EFCAB6: variants seen among roughly 807,000 people sequenced by gnomAD.
EFCAB6 encodes the protein EF-hand calcium binding domain 6.
In EFCAB6, 156 loss-of-function variants were observed where a neutral mutation model predicts 169.8. The ratio of observed to expected loss-of-function variants is 0.92; its 90% CI spans 0.81 to 1.05. EFCAB6 has a LOEUF of 1.05. EFCAB6 is among the 50% of genes least tolerant of loss of function. The pLI, the probability that EFCAB6 is intolerant of heterozygous loss-of-function variation, is 0.00. For synonymous variants in EFCAB6, 698 were observed against 676.4 expected (o/e 1.03, Z -0.50); for missense variants, 1,800 against 1,829.1 (o/e 0.98, Z 0.29).
chr22:43,649,918 A>C (rs1407095873), intron 17 of EFCAB6, among the ~76,000 whole-genome samples: 1 of 152,238 alleles, frequency 6.6e-6, no homozygotes, highest in African/African-American at 2.4e-5. Context: ...TGAGGAGCTC[A>C]TGAAACTGGA....
At chr22:43,714,831 A>G (rs1033849488) in intron 9 of EFCAB6, among the ~76,000 whole-genome samples, 1 of 152,218 alleles carries the variant, frequency 6.6e-6, no homozygotes, top group African/African-American at 2.4e-5. Flanking sequence ...CCAACCAAAA[A>G]ATAAATCAAA....
intron 23 of EFCAB6, among the ~76,000 whole-genome samples, chr22:43,594,275 C>CAA (rs750560174): frequency 0.088 from 7,083 of 80,778 alleles, 414 homozygotes; most frequent in South Asian, 0.12. Context: ...AACTCTGTTT[C>CAA]AAAAAAAAAA....
Position 43,739,338 on chromosome 22 carries a change from C to T in EFCAB6, c.508-3345G>A, listed in dbSNP as rs145933967. Among the ~76,000 whole-genome samples, 1,353 of 152,318 alleles carry T rather than the reference C, an allele frequency of 8.9e-3. 20 individuals are homozygous for T. The highest frequency in any genetic ancestry group is 0.031 in the African/African-American group (1,307 of 41,552). On this transcript the variant is annotated intron_variant, in intron 6 of 31. Transcript: ENST00000262726. The stretch of plus-strand genomic sequence containing the variant: ...TTAGCTTCCAGAGCCAATGCTCTCT[C>T]TCCTTCTTCTCCAGCCTCCTTGGAG...
chr22:43,704,738 A>G (rs2058893069), intron 10 of EFCAB6, among the ~76,000 whole-genome samples: 1 of 152,168 alleles, frequency 6.6e-6, no homozygotes, highest in African/African-American at 2.4e-5. Context: ...GGTAACAACA[A>G]AACAAAAATC....
chr22:43,791,344 G>A lies in EFCAB6; in HGVS notation c.-7-9019C>T, dbSNP rs990025832. 4.0e-5 allele frequency among the ~76,000 whole-genome samples: 6 copies of A among 150,484 alleles called. No individual in the cohort carries two copies. The East Asian group carries it at 7.7e-4, about 19-fold the overall frequency. ...GCGGAGACCACACCACTGCACTTCA[G>A]CCTGGGTGATAGAAGTGAGACTGCC... On this transcript the variant is annotated intron_variant, in intron 2 of 31. Coordinates refer to ENST00000262726, the MANE Select transcript of EFCAB6 (RefSeq NM_022785.4).
chr22:43,632,733 TCAGA>T (rs1427162064), intron 18 of EFCAB6, among the ~76,000 whole-genome samples: 1 of 152,016 alleles, frequency 6.6e-6, no homozygotes, highest in Non-Finnish European at 1.5e-5. Context: ...CTTCAGTTTC[TCAGA>T]CACTTTCCTC....
In EFCAB6 at chr22:43,528,889, G is replaced by C. The variant is rs764511716; in HGVS notation, c.4470C>G (p.Ile1490Met). 3 of 1,611,802 alleles carry C rather than the reference G, an allele frequency of 1.9e-6. No homozygotes were observed. Among genetic ancestry groups the C allele is most frequent in the Non-Finnish European group, 2.5e-6 (3 of 1,178,120 alleles). The change falls in exon 32 of 32, where the codon ATC becomes ATG. Residue 1490 changes from isoleucine to methionine, a missense_variant. By Grantham distance (10) the Ile-to-Met change is conservative. Transcript: ENST00000262726. ...EYYDKTLSSK[I>M]SYNDFLRAFL... The stretch of plus-strand genomic sequence containing the variant: ...ATGCCCGGAGGAAGTCGTTGTAGGA[G>C]ATTTTTGAAGACAGCGTCTTATCGT...
chr22:43,676,283 G>A (rs986163623), intron 13 of EFCAB6, among the ~76,000 whole-genome samples: 6 of 151,908 alleles, frequency 3.9e-5, no homozygotes, highest in Non-Finnish European at 8.8e-5. Flanking sequence ...CGGGTGTGGT[G>A]GTAGGCGCCT....
chr22:43,768,967 C>CATAT (rs1213025813), intron 4 of EFCAB6, among the ~76,000 whole-genome samples: 1 of 152,126 alleles, frequency 6.6e-6, no homozygotes, highest in Non-Finnish European at 1.5e-5. Flanking sequence ...AGAACACTAC[C>CATAT]ATATGACATG....
At chr22:43,599,278 G>A (rs1042542785) in intron 23 of EFCAB6, among the ~76,000 whole-genome samples, 1 of 152,092 alleles carries the variant, frequency 6.6e-6, no homozygotes, top group Non-Finnish European at 1.5e-5. Flanking sequence ...GGGAGGCTGA[G>A]GCAGGTGGAT....
At chr22:43,732,306 TAGAG>T (rs1407238321) in intron 7 of EFCAB6, among the ~76,000 whole-genome samples, 3 of 152,084 alleles carry the variant, frequency 2.0e-5, no homozygotes, top group East Asian at 3.9e-4. Flanking sequence ...ATCCTTTCTC[TAGAG>T]AGAAACTGAG....
At chr22:43,735,635 G>A (rs1201667178) in intron 7 of EFCAB6, among the ~76,000 whole-genome samples, 2 of 152,136 alleles carry the variant, frequency 1.3e-5, no homozygotes, top group Non-Finnish European at 2.9e-5. Flanking sequence ...GACCCCAAGG[G>A]TGCTTAAGGA....
intron 4 of EFCAB6, among the ~76,000 whole-genome samples, chr22:43,769,438 T>C (rs1405834935): frequency 6.6e-6 from 1 of 152,110 alleles, no homozygotes; most frequent in African/African-American, 2.4e-5. Context: ...TATGAATATA[T>C]GAAAAACACC....
intron 25 of EFCAB6, among the ~76,000 whole-genome samples, chr22:43,577,365 G>A (rs1381196150): frequency 2.0e-5 from 3 of 152,108 alleles, no homozygotes; most frequent in Non-Finnish European, 4.4e-5. Context: ...AATTAGGCAC[G>A]CCCCATTGGC....
chr22:43,661,075 T>A (rs945154084), intron 17 of EFCAB6, among the ~76,000 whole-genome samples: 2 of 152,164 alleles, frequency 1.3e-5, no homozygotes, highest in African/African-American at 4.8e-5. Flanking sequence ...ATAACACATT[T>A]AAAAATATAC....
chr22:43,806,212 G>C (rs1173022788), intron 2 of EFCAB6, among the ~76,000 whole-genome samples: 2 of 150,798 alleles, frequency 1.3e-5, no homozygotes, highest in African/African-American at 4.9e-5. Flanking sequence ...GGGAGGGGAA[G>C]GGAAAAAAGA....
At chr22:43,630,797 CA>C (rs1341959069) in intron 19 of EFCAB6, among the ~76,000 whole-genome samples, 1 of 152,236 alleles carries the variant, frequency 6.6e-6, no homozygotes, top group African/African-American at 2.4e-5. Context: ...CTGGAGCCCA[CA>C]GGCCAGTGGT....
intron 8 of EFCAB6, among the ~76,000 whole-genome samples, chr22:43,727,968 C>T (rs543276684): frequency 6.6e-6 from 1 of 151,250 alleles, no homozygotes; most frequent in South Asian, 2.1e-4. Context: ...TATAGGTATA[C>T]ATGTGCCATG....
At position 43,638,794 on chromosome 22, in the gene EFCAB6, T is replaced by C. The variant is rs372657567; in HGVS notation, c.1984-3578A>G. 4.0e-5 allele frequency among the ~76,000 whole-genome samples: 6 copies of C among 150,024 alleles called. No individual in the cohort carries two copies. The East Asian group carries it at 7.9e-4, about 20-fold the overall frequency. On this transcript the variant is annotated intron_variant, in intron 17 of 31. Coordinates refer to ENST00000262726, the MANE Select transcript of EFCAB6 (RefSeq NM_022785.4). ...GAGGTCTCCTGCACCCTGTTCTTTT[T>C]TTTTTTTTGAGACGGAGTTTCGCTC...
Sources: allele counts gnomAD v4.1 joint callset (sites outside exome capture counted in the v4.1 genomes callset), GRCh38; gene constraint gnomAD v4.1.1; transcripts MANE v1.5; gene names NCBI Gene and HGNC (gene_info 2026-07-23, HGNC 2026-07-21).